The following GPC5 variants were observed in gnomAD, a reference collection of about 807,000 sequenced individuals.
GPC5 encodes glypican-5.
Under a neutral mutation model 53.9 loss-of-function variants are expected in GPC5, and 47 were observed. That is an observed-to-expected ratio of 0.87 (90% CI 0.69 to 1.11). GPC5 has a LOEUF of 1.11. GPC5 is among the 50% of genes most tolerant of loss of function. GPC5 has a pLI of 0.00. For synonymous variants in GPC5, 286 were observed against 263.3 expected, an observed-to-expected ratio of 1.09 and a Z score of -0.84; for missense variants, 748 against 713.1, an observed-to-expected ratio of 1.05 and a Z score of -0.56.
chr13:92,855,035 T>C (rs1347364618), intron 7 of GPC5, among the ~76,000 whole-genome samples: 1 of 152,020 alleles, frequency 6.6e-6, no homozygotes, highest in Non-Finnish European at 1.5e-5. Context: ...TTTAAATCTT[T>C]AAAAGAAAGC....
Position 92,192,977 on chromosome 13 carries a change from C to A in GPC5, c.1561+47988C>A, listed in dbSNP as rs183520166. 3.9e-5 allele frequency among the ~76,000 whole-genome samples: 6 copies of A among 152,238 alleles called. No individual in the cohort carries two copies. The South Asian group carries it at 6.2e-4, about 16-fold the overall frequency. On this transcript the variant is annotated intron_variant, in intron 7 of 7. Coordinates refer to ENST00000377067, the MANE Select transcript of GPC5 (RefSeq NM_004466.6). ...GGATCACAAGGTCAGGAGTTTGAGACCAGCCTGGCCAACATAGTGAAATCC... is the reference window on the plus strand; with the variant it reads ...GGATCACAAGGTCAGGAGTTTGAGAACAGCCTGGCCAACATAGTGAAATCC...
At position 91,852,015 on chromosome 13, in the gene GPC5, C is replaced by T. The variant is rs994678544; in HGVS notation, c.1281-55922C>T. Reference sequence around the variant, plus strand: ...ATTTATAGTCCTTTGGGTATATACCCAGTAATGGGATGGCTGGGTCAAATG... The same window carrying T: ...ATTTATAGTCCTTTGGGTATATACCTAGTAATGGGATGGCTGGGTCAAATG... On this transcript the variant is annotated intron_variant, in intron 5 of 7. Coordinates refer to ENST00000377067, the MANE Select transcript of GPC5 (RefSeq NM_004466.6). Among the ~76,000 whole-genome samples, 105 of 151,174 alleles carry T rather than the reference C, an allele frequency of 6.9e-4. 2 individuals carry two copies. The highest frequency in any genetic ancestry group is 1.4e-3 in the Non-Finnish European group (97 of 67,802).
At chr13:91,503,780 A>AAATAATGATAATAATAAT (rs145615182) in intron 2 of GPC5, among the ~76,000 whole-genome samples, 9 of 132,898 alleles carry the variant, frequency 6.8e-5, no homozygotes, top group African/African-American at 2.6e-4. Flanking sequence ...CTCTGTCTCA[A>AAATAATGATAATAATAAT]AATAATAATA....
chr13:92,085,709 TG>T (rs1322715554), intron 6 of GPC5, among the ~76,000 whole-genome samples: 1 of 152,160 alleles, frequency 6.6e-6, no homozygotes, highest in African/African-American at 2.4e-5. Flanking sequence ...TGTTCCCATC[TG>T]GGGGGTGATG....
intron 7 of GPC5, among the ~76,000 whole-genome samples, chr13:92,737,590 A>AT (rs1180065271): frequency 1.3e-5 from 2 of 151,778 alleles, no homozygotes; most frequent in African/African-American, 4.8e-5. Context: ...GTTTTTCTTC[A>AT]TTTTTTTCCC....
At chr13:92,434,779 T>A (rs144232926) in intron 7 of GPC5, among the ~76,000 whole-genome samples, 152 of 152,280 alleles carry the variant, frequency 1.0e-3, no homozygotes, top group African/African-American at 3.6e-3. Context: ...AAGGTCACAT[T>A]TGGTTAATCA....
intron 1 of GPC5, among the ~76,000 whole-genome samples, chr13:91,412,070 T>C (rs765507658): frequency 6.6e-6 from 1 of 152,234 alleles, no homozygotes. Flanking sequence ...GCTAGCTCTT[T>C]AGGCTTCAGT....
Position 91,571,874 on chromosome 13 carries a change from T to C in GPC5, c.326-121313T>C, listed in dbSNP as rs538762951. Reference sequence around the variant, plus strand: ...ATACACATATACGTGTGTGTATATATACACACATATACGTGTGTATATACA... The same window carrying C: ...ATACACATATACGTGTGTGTATATACACACACATATACGTGTGTATATACA... On this transcript the variant is annotated intron_variant, in intron 2 of 7. Transcript: ENST00000377067. Among the ~76,000 whole-genome samples, 12 of 108,524 alleles carry C rather than the reference T, an allele frequency of 1.1e-4. 1 individual carries two copies. Among genetic ancestry groups the C allele is most frequent in the African/African-American group, 2.5e-4 (6 of 23,838 alleles). The allele number at this position is 108,524 out of a possible 152,430, so 71.2% of individuals were successfully genotyped here. A position where few individuals can be genotyped will look rare whatever the true frequency, so the allele number is the denominator to read the frequency against.
At chr13:92,405,160 A>G (rs1265588324) in intron 7 of GPC5, among the ~76,000 whole-genome samples, 1 of 152,180 alleles carries the variant, frequency 6.6e-6, no homozygotes, top group African/African-American at 2.4e-5. Flanking sequence ...CATCCAGTTC[A>G]GGGGCATGGG....
chr13:91,693,987 C>A, intron 3 of GPC5, 106 bp downstream of exon 3: 2 of 829,060 alleles, frequency 2.4e-6, no homozygotes, highest in South Asian at 1.9e-5. Flanking sequence ...TATATTCAAT[C>A]CAAGATATTA....
chr13:91,686,946 C>T (rs1246392779), intron 2 of GPC5, among the ~76,000 whole-genome samples: 2 of 151,928 alleles, frequency 1.3e-5, no homozygotes, highest in Admixed American at 6.6e-5. Flanking sequence ...GTAAAATCAT[C>T]TGATTTTCTA....
chr13:92,145,565 A>G (rs991754281), intron 7 of GPC5, among the ~76,000 whole-genome samples: 6 of 152,138 alleles, frequency 3.9e-5, no homozygotes, highest in Non-Finnish European at 8.8e-5. Flanking sequence ...CAAAGGATAG[A>G]ATTTTCAAAT....
At chr13:91,763,888 A>T (rs1017042885) in intron 5 of GPC5, among the ~76,000 whole-genome samples, 3 of 152,174 alleles carry the variant, frequency 2.0e-5, no homozygotes, top group African/African-American at 7.2e-5. Context: ...CAGCTATAAA[A>T]TGGGGTAGTA....
In GPC5 at chr13:91,659,220, T is replaced by C. The variant is rs562386747; in HGVS notation, c.326-33967T>C. On this transcript the variant is annotated intron_variant, in intron 2 of 7. Transcript: ENST00000377067. ...TTCACACAGTGATTAAAAATACAAA[T>C]GCATAGAAAAACCAGAAAATAACAA... Among the ~76,000 whole-genome samples the C allele has an allele frequency of 3.6e-4, 55 of 152,282 alleles. 2 individuals are homozygous for C. In the South Asian group the frequency reaches 0.011, roughly 30 times the overall value.
intron 7 of GPC5, among the ~76,000 whole-genome samples, chr13:92,450,884 A>G (rs1420112242): frequency 6.6e-6 from 1 of 152,170 alleles, no homozygotes; most frequent in Non-Finnish European, 1.5e-5. Context: ...CATCTTTAAG[A>G]TGGAATAATA....
chr13:91,633,261 C>T (rs1301937350), intron 2 of GPC5, among the ~76,000 whole-genome samples: 1 of 152,106 alleles, frequency 6.6e-6, no homozygotes, highest in African/African-American at 2.4e-5. Flanking sequence ...TGCCAGTATA[C>T]ATCCTCTGGA....
chr13:92,165,282 T>G (rs2042018962), intron 7 of GPC5, among the ~76,000 whole-genome samples: 1 of 152,216 alleles, frequency 6.6e-6, no homozygotes, highest in Admixed American at 6.5e-5. Context: ...CTTTTAAAAA[T>G]AAGTTCCAAT....
At chr13:92,703,786 GTGTTC>G (rs1392602054) in intron 7 of GPC5, among the ~76,000 whole-genome samples, 1 of 151,776 alleles carries the variant, frequency 6.6e-6, no homozygotes, top group Non-Finnish European at 1.5e-5. Context: ...TAATTAACTA[GTGTTC>G]TGTTCAGTAA....
intron 5 of GPC5, among the ~76,000 whole-genome samples, chr13:91,765,174 G>A (rs1315669538): frequency 1.3e-5 from 2 of 152,222 alleles, no homozygotes; most frequent in African/African-American, 2.4e-5. Flanking sequence ...ATTTGCGTAG[G>A]CATAGGCCAA....
Sources: allele counts gnomAD v4.1 joint callset (sites outside exome capture counted in the v4.1 genomes callset), GRCh38; gene constraint gnomAD v4.1.1; transcripts MANE v1.5; gene names NCBI Gene and HGNC (gene_info 2026-07-23, HGNC 2026-07-21).